OPHN1: variants seen among roughly 807,000 people sequenced by gnomAD.
The protein encoded by OPHN1 is oligophrenin-1.
In OPHN1, 11 loss-of-function variants were observed where a neutral mutation model predicts 60.7. The ratio of observed to expected loss-of-function variants is 0.18; its 90% CI spans 0.11 to 0.30. OPHN1 has a LOEUF of 0.30. Ranked by LOEUF, OPHN1 falls within the 10% of genes least tolerant of loss-of-function variation. OPHN1 has a pLI of 1.00. For synonymous variants in OPHN1, 226 were observed against 222.6 expected (o/e 1.02, Z -0.14); for missense variants, 449 against 611.0 (o/e 0.73, Z 2.80).
intron 2 of OPHN1, among the ~76,000 whole-genome samples, chrX:68,353,302 C>T (rs1398563465): frequency 2.8e-5 from 3 of 106,901 alleles, no homozygotes; most frequent in Non-Finnish European, 5.8e-5. Flanking sequence ...GGCATGGTGG[C>T]TCATGCCTGT....
chrX:68,250,850 C>T (rs1389482477), intron 5 of OPHN1, among the ~76,000 whole-genome samples: 1 of 111,450 alleles, frequency 9.0e-6, no homozygotes, highest in Non-Finnish European at 1.9e-5. Context: ...TGAGTCATAT[C>T]TAGCCCACTG....
intron 5 of OPHN1, among the ~76,000 whole-genome samples, chrX:68,247,728 G>C (rs1337983409): frequency 3.8e-5 from 4 of 104,546 alleles, no homozygotes; most frequent in African/African-American, 1.4e-4. Flanking sequence ...AGACCAGCCT[G>C]GGTAACATGG....
At chrX:68,092,646 G>T (rs1179463921) in intron 19 of OPHN1, among the ~76,000 whole-genome samples, 4 of 111,077 alleles carry the variant, frequency 3.6e-5, no homozygotes, top group Admixed American at 2.9e-4. Context: ...AATAGAAATG[G>T]CCTCCTATTA....
chrX:68,319,357 T>C (rs968368522), intron 2 of OPHN1, among the ~76,000 whole-genome samples: 1 of 111,762 alleles, frequency 8.9e-6, no homozygotes, highest in Non-Finnish European at 1.9e-5. Flanking sequence ...ACAGAATTTT[T>C]AGGAGAAAGT....
intron 15 of OPHN1, among the ~76,000 whole-genome samples, chrX:68,145,065 T>G (rs2077258191): frequency 9.0e-6 from 1 of 111,523 alleles, no homozygotes; most frequent in Non-Finnish European, 1.9e-5. Flanking sequence ...AATTGGATTA[T>G]GAAATAATTA....
chrX:68,215,542 C>T (rs976347008), intron 6 of OPHN1, among the ~76,000 whole-genome samples: 1 of 110,571 alleles, frequency 9.0e-6, no homozygotes, highest in Non-Finnish European at 1.9e-5. Flanking sequence ...GGATAAATAC[C>T]AAACAATCCC....
At chrX:68,047,353 T>C (rs1027912387) in intron 24 of OPHN1, among the ~76,000 whole-genome samples, 190 bp from the exon 25 acceptor site, 1 of 111,556 alleles carries the variant, frequency 9.0e-6, no homozygotes, top group East Asian at 2.8e-4. Flanking sequence ...GATGGTGCTA[T>C]GACCAGGGCT....
intron 6 of OPHN1, among the ~76,000 whole-genome samples, chrX:68,222,171 T>G (rs1465183712): frequency 1.8e-5 from 2 of 108,569 alleles, no homozygotes; most frequent in Non-Finnish European, 3.8e-5. Flanking sequence ...AAAAAACACA[T>G]GAAAAAATGC....
At chrX:68,418,372 G>T (rs770994625) in intron 2 of OPHN1, among the ~76,000 whole-genome samples, 1 of 111,359 alleles carries the variant, frequency 9.0e-6, no homozygotes, top group African/African-American at 3.3e-5. Context: ...GAGGATACAT[G>T]ACAGGGTTTT....
chrX:68,180,264 A>C (rs2077430788), intron 15 of OPHN1, among the ~76,000 whole-genome samples: 1 of 111,848 alleles, frequency 8.9e-6, no homozygotes, highest in South Asian at 3.8e-4. Context: ...AAGGCCACCA[A>C]GTTAAAAAAT....
chrX:68,334,947 G>C (rs938175656), intron 2 of OPHN1, among the ~76,000 whole-genome samples: 2 of 109,700 alleles, frequency 1.8e-5, no homozygotes, highest in Non-Finnish European at 3.8e-5. Flanking sequence ...TTGCACTCCA[G>C]CTTGGGCGAC....
chrX:68,234,890 T>C (rs1311087642), intron 5 of OPHN1, among the ~76,000 whole-genome samples: 1 of 112,339 alleles, frequency 8.9e-6, no homozygotes, highest in East Asian at 2.8e-4. Context: ...ATATATTTTC[T>C]TCCCTCCAAT....
chrX:68,388,506 G>A (rs1401824167), intron 2 of OPHN1, among the ~76,000 whole-genome samples: 1 of 109,901 alleles, frequency 9.1e-6, no homozygotes, highest in Non-Finnish European at 1.9e-5. Flanking sequence ...TAGACAGTAG[G>A]GAGTCAGCTG....
intron 3 of OPHN1, among the ~76,000 whole-genome samples, chrX:68,296,202 A>C (rs1191701393): frequency 8.9e-6 from 1 of 112,037 alleles, no homozygotes; most frequent in Non-Finnish European, 1.9e-5. Context: ...AATGACCATG[A>C]CAGGCCAATG....
intron 15 of OPHN1, among the ~76,000 whole-genome samples, chrX:68,173,186 T>A (rs916493232): frequency 9.0e-6 from 1 of 111,338 alleles, no homozygotes; most frequent in Non-Finnish European, 1.9e-5. Context: ...CTCAACTCAT[T>A]ATCTCTCCAC....
chrX:68,125,954 T>TATATATATATATATATATATATATACAC (rs1262640434), intron 15 of OPHN1, among the ~76,000 whole-genome samples: 1 of 55,829 alleles, frequency 1.8e-5, no homozygotes, highest in South Asian at 1.5e-3. Flanking sequence ...TATATATATA[T>TATATATATATATATATATATATATACAC]ATACATACAC....
At chrX:68,330,624 C>T (rs1354121757) in intron 2 of OPHN1, among the ~76,000 whole-genome samples, 2 of 109,069 alleles carry the variant, frequency 1.8e-5, no homozygotes, top group African/African-American at 6.7e-5. Context: ...CATAGTGAGA[C>T]TCTGCCTCTT....
At chrX:68,205,549 A>C (rs1186926766) in intron 10 of OPHN1, among the ~76,000 whole-genome samples, 1 of 111,885 alleles carries the variant, frequency 8.9e-6, no homozygotes, top group Non-Finnish European at 1.9e-5. Context: ...CCATCACCAA[A>C]GCACATTAAA....
At chrX:68,187,449 A>G (rs773496006) in intron 15 of OPHN1, among the ~76,000 whole-genome samples, 1 of 107,730 alleles carries the variant, frequency 9.3e-6, no homozygotes, top group Admixed American at 1.0e-4. Context: ...GTTAAAGTGG[A>G]CCATGAGACA....
Sources: gnomAD v4.1 joint callset for allele counts (sites outside exome capture counted in the v4.1 genomes callset) on GRCh38, gnomAD v4.1.1 for gene constraint, MANE v1.5 for transcripts, NCBI Gene and HGNC (gene_info 2026-07-23, HGNC 2026-07-21) for gene names.